MRPL19: variants seen among roughly 807,000 people sequenced by gnomAD.
MRPL19 encodes the protein large ribosomal subunit protein bL19m.
Under a neutral mutation model 34.0 loss-of-function variants are expected in MRPL19, and 31 were observed. The observed-to-expected ratio is 0.91, with a 90% confidence interval of 0.68 to 1.23. The LOEUF (loss-of-function observed/expected upper bound fraction) is 1.23, where lower values mean the gene tolerates loss of function less well. Among genes scored for constraint, MRPL19 ranks in the 50% most tolerant of loss-of-function variants. The pLI is 0.00. For missense variants in MRPL19, 384 were observed against 367.6 expected (o/e 1.04, Z -0.37); for synonymous variants, 152 against 127.7 (o/e 1.19, Z -1.28).
At position 75,656,944 on chromosome 2, in the gene MRPL19, T is replaced by C. The variant is rs924163763; in HGVS notation, c.*1659T>C. Reference sequence around the variant, plus strand: ...CCCCAGTCTCTGTTTTTTAGCTCTTTAGCTCAATCTTCCAACTCTTTGCTA... The same window carrying C: ...CCCCAGTCTCTGTTTTTTAGCTCTTCAGCTCAATCTTCCAACTCTTTGCTA... On this transcript the variant is annotated 3_prime_UTR_variant, in exon 6 of 6. Coordinates refer to ENST00000393909, the MANE Select transcript of MRPL19 (RefSeq NM_014763.4). The C allele has an allele frequency of 5.3e-5, 8 of 152,160 alleles. No individual in the cohort carries two copies. Among genetic ancestry groups the C allele is most frequent in the Non-Finnish European group, 1.2e-4 (8 of 68,004 alleles). The allele number at this position is 152,160 out of a possible 1,614,324, so 9.4% of individuals were successfully genotyped here.
Position 75,647,179 on chromosome 2 carries a change from G to C in MRPL19, c.181G>C (p.Val61Leu), listed in dbSNP as rs779651858. 3 of 1,581,000 alleles carry C rather than the reference G, an allele frequency of 1.9e-6. No individual in the cohort carries two copies. The South Asian group carries it at 3.5e-5, about 18-fold the overall frequency. ...PGAFQPPPKP[V>L]IVDKHRPVEP... ...TGCGTTCCAACCGCCGCCGAAACCG[G>C]TCATCGTGGACAAGCACCGCCCCGT... is the stretch of plus-strand genomic sequence containing the variant. Residue 61 changes from valine to leucine, a missense_variant, in exon 2 of 6, where the codon GTC becomes CTC. Physicochemically the swap from Val to Leu is conservative, Grantham distance 32. Coordinates refer to ENST00000393909, the MANE Select transcript of MRPL19 (RefSeq NM_014763.4).
intron 2 of MRPL19, chr2:75,651,647 C>A: frequency 2.9e-6 from 1 of 339,952 alleles, no homozygotes; most frequent in South Asian, 2.5e-5. Context: ...TCAGGAAGAT[C>A]ATTTTAAAAG....
chr2:75,647,340 A>T, intron 2 of MRPL19, 121 bp downstream of exon 2: 1 of 853,428 alleles, frequency 1.2e-6, no homozygotes, highest in Non-Finnish European at 1.8e-6. Flanking sequence ...GCAGGTGTGT[A>T]GGATTCAAGA....
intron 4 of MRPL19, 74 bp downstream of exon 4, chr2:75,652,731 G>A: frequency 1.2e-5 from 18 of 1,485,068 alleles, no homozygotes; most frequent in Non-Finnish European, 1.6e-5. Context: ...TGCATCCTGG[G>A]ATAAGAAATC....
At position 75,654,796 on chromosome 2, in the gene MRPL19, T is replaced by C; in HGVS notation, c.536T>C (p.Leu179Ser). ...GTCCAGGAGATTCAGGTGGTCAAATTAGAGAAACGGCTGGATGATAGCTTG... is the reference window on the plus strand; with the variant it reads ...GTCCAGGAGATTCAGGTGGTCAAATCAGAGAAACGGCTGGATGATAGCTTG... ...PRVQEIQVVK[L>S]EKRLDDSLLY... The change falls in exon 5 of 6, where the codon TTA becomes TCA. Residue 179 changes from leucine (L) to serine (S), a missense_variant. Coordinates refer to ENST00000393909, the MANE Select transcript of MRPL19 (RefSeq NM_014763.4). 4 of 1,613,888 alleles carry C rather than the reference T, an allele frequency of 2.5e-6. No individual in the cohort carries two copies. The highest frequency in any genetic ancestry group is 3.4e-6 in the Non-Finnish European group (4 of 1,179,880).
rs1024742489 is a variant in MRPL19 at position 75,658,856 on chromosome 2, T to A, written c.*3571T>A. On this transcript the variant is annotated 3_prime_UTR_variant, in exon 6 of 6. Coordinates refer to ENST00000393909, the MANE Select transcript of MRPL19 (RefSeq NM_014763.4). The stretch of plus-strand genomic sequence containing the variant: ...TTAAGGTTCTCTTTTTTTAAAAAAA[T>A]TTTTGCACAGAGTATCTTTTTCTAT... 1.3e-5 allele frequency among the ~76,000 whole-genome samples: 2 copies of A among 151,312 alleles called. No homozygotes were observed. The highest frequency in any genetic ancestry group is 2.9e-5 in the Non-Finnish European group (2 of 67,982).
In MRPL19 at chr2:75,649,227, G is replaced by A. The variant is rs375532516; in HGVS notation, c.221+2008G>A. ...CTGAGAGACTAATGACCAAATATGT[G>A]TGAAGCTTGATTGTATTTTGAATTG... On this transcript the variant is annotated intron_variant, in intron 2 of 5. Coordinates refer to ENST00000393909, the MANE Select transcript of MRPL19 (RefSeq NM_014763.4). 5.3e-4 allele frequency among the ~76,000 whole-genome samples: 81 copies of A among 152,314 alleles called. 4 individuals carry two copies. Among genetic ancestry groups the A allele is most frequent in the Admixed American group, 9.1e-4 (14 of 15,304 alleles).
In MRPL19 at chr2:75,657,366, G is replaced by A. The variant is rs1285350515; in HGVS notation, c.*2081G>A. On this transcript the variant is annotated 3_prime_UTR_variant, in exon 6 of 6. Transcript: ENST00000393909. The stretch of plus-strand genomic sequence containing the variant: ...ATAGAGGCTTCCAATCTCCTTCCTG[G>A]AGGGGTCTGTCCAGGAAGGAGATTG... 1 of 151,952 alleles carries A rather than the reference G, an allele frequency of 6.6e-6. No homozygotes were observed. The highest frequency in any genetic ancestry group is 6.6e-5 in the Admixed American group (1 of 15,248). 9.4% of individuals were successfully genotyped at this position (151,952 alleles called of 1,614,324 possible).
Position 75,651,217 on chromosome 2 carries a change from CA to C in MRPL19, c.222-923del, listed in dbSNP as rs1406631533. 16 of 414,136 alleles carry C rather than the reference CA, an allele frequency of 3.9e-5. No individual in the cohort carries two copies. In the Admixed American group the frequency reaches 4.4e-4, roughly 11 times the overall value. The allele number at this position is 414,136 out of a possible 1,614,324, so 25.7% of individuals were successfully genotyped here. ...TCTTCAGTTCGATCTGTTAATCCAC[CA>C]ACCCAAATCCCTCCCACCCGCACCT... On this transcript the variant is annotated intron_variant, in intron 2 of 5. Coordinates refer to ENST00000393909, the MANE Select transcript of MRPL19 (RefSeq NM_014763.4).
intron 2 of MRPL19, among the ~76,000 whole-genome samples, chr2:75,650,738 G>A (rs1050297067): frequency 1.3e-5 from 2 of 152,138 alleles, no homozygotes; most frequent in Non-Finnish European, 2.9e-5. Flanking sequence ...GAAGAGAAGA[G>A]ACGAGGAGGG....
chr2:75,651,427 T>C, intron 2 of MRPL19: 1 of 537,272 alleles, frequency 1.9e-6, no homozygotes, highest in Non-Finnish European at 3.8e-6. Flanking sequence ...GACCTAGCTG[T>C]CCTCTGGACT....
chr2:75,658,926 C>G lies in MRPL19; in HGVS notation c.*3641C>G, dbSNP rs185270247. Among the ~76,000 whole-genome samples, 10 of 140,140 alleles carry G rather than the reference C, an allele frequency of 7.1e-5. No homozygotes were observed. The highest frequency in any genetic ancestry group is 7.1e-4 in the Admixed American group (10 of 14,174). The allele number at this position is 140,140 out of a possible 152,430, so 91.9% of individuals were successfully genotyped here. A position where few individuals can be genotyped will look rare whatever the true frequency, so the allele number is the denominator to read the frequency against. ...CTTTGGAGCTATAGTCTCTTGTAGA[C>G]AGCATATCACTATCTTGTTTTGTTT... On this transcript the variant is annotated 3_prime_UTR_variant, in exon 6 of 6. Transcript: ENST00000393909.
At position 75,658,747 on chromosome 2, in the gene MRPL19, C is replaced by T. The variant is rs2104143326; in HGVS notation, c.*3462C>T. On this transcript the variant is annotated 3_prime_UTR_variant, in exon 6 of 6. Coordinates refer to ENST00000393909, the MANE Select transcript of MRPL19 (RefSeq NM_014763.4). ...ATGGTCTGTCCTGGAGAATGTTCCT[C>T]ATACACTTGAGCAAAATATTTATCA... is the stretch of plus-strand genomic sequence containing the variant. Among the ~76,000 whole-genome samples, 1 of 152,170 alleles carries T rather than the reference C, an allele frequency of 6.6e-6. No individual in the cohort carries two copies. Among genetic ancestry groups the T allele is most frequent in the South Asian group, 2.1e-4 (1 of 4,814 alleles).
At chr2:75,650,016 A>G (rs1329425081) in intron 2 of MRPL19, among the ~76,000 whole-genome samples, 1 of 152,242 alleles carries the variant, frequency 6.6e-6, no homozygotes, top group African/African-American at 2.4e-5. Flanking sequence ...AAAGTGGATG[A>G]AAGATCTACA....
At chr2:75,651,233 C>A in intron 2 of MRPL19, 1 of 451,764 alleles carries the variant, frequency 2.2e-6, no homozygotes, top group Non-Finnish European at 4.4e-6. Context: ...AAATCCCTCC[C>A]ACCCGCACCT....
In MRPL19 at chr2:75,661,262, T is replaced by C. The variant is rs1228477344; in HGVS notation, c.*5977T>C. On this transcript the variant is annotated 3_prime_UTR_variant, in exon 6 of 6. Coordinates refer to ENST00000393909, the MANE Select transcript of MRPL19 (RefSeq NM_014763.4). ...CTTGACTCAGCATTTGCTTCATTGC[T>C]ATAAACTTTTTACTGTTTTTCAGAG... 1 of 152,180 alleles carries C rather than the reference T, an allele frequency of 6.6e-6. No individual in the cohort carries two copies. The highest frequency in any genetic ancestry group is 1.5e-5 in the Non-Finnish European group (1 of 68,022). 9.4% of individuals were successfully genotyped at this position (152,180 alleles called of 1,614,324 possible).
At position 75,658,249 on chromosome 2, in the gene MRPL19, T is replaced by A. The variant is rs904981981; in HGVS notation, c.*2964T>A. On this transcript the variant is annotated 3_prime_UTR_variant, in exon 6 of 6. Transcript: ENST00000393909. ...TGGCTGATTTTGTTTTTTGTAGAGA[T>A]GTGGTCTTGCTATGTTTCCCATGCT... Among the ~76,000 whole-genome samples, 11 of 152,114 alleles carry A rather than the reference T, an allele frequency of 7.2e-5. No homozygotes were observed. The highest frequency in any genetic ancestry group is 1.5e-4 in the Non-Finnish European group (10 of 68,000).
chr2:75,653,057 TTA>T (rs1267361379), intron 4 of MRPL19, among the ~76,000 whole-genome samples: 1 of 152,212 alleles, frequency 6.6e-6, no homozygotes. Flanking sequence ...ACATTTTACT[TTA>T]TGTTATGACA....
rs148095747 is a variant in MRPL19, at chr2:75,648,303, C to G, written c.221+1084C>G. On this transcript the variant is annotated intron_variant, in intron 2 of 5. Transcript: ENST00000393909. ...TGTATACCTTCTCACTCAGAAAGCACACAACTTAAACTCCTAACGTGTATG... is the reference window on the plus strand; with the variant it reads ...TGTATACCTTCTCACTCAGAAAGCAGACAACTTAAACTCCTAACGTGTATG... Among the ~76,000 whole-genome samples the G allele has an allele frequency of 1.1e-3, 168 of 152,242 alleles. 1 individual carries two copies. The East Asian group carries it at 0.015, about 14-fold the overall frequency.
Sources: allele counts gnomAD v4.1 joint callset (sites outside exome capture counted in the v4.1 genomes callset), GRCh38; gene constraint gnomAD v4.1.1; transcripts MANE v1.5; gene names NCBI Gene and HGNC (gene_info 2026-07-23, HGNC 2026-07-21).